Variants in PTPRD observed in about 807,000 individuals in gnomAD.
PTPRD encodes the protein receptor-type tyrosine-protein phosphatase delta.
Under a neutral mutation model 214.5 loss-of-function variants are expected in PTPRD, and 34 were observed. The ratio of observed to expected loss-of-function variants is 0.16; its 90% CI spans 0.12 to 0.21. The LOEUF (loss-of-function observed/expected upper bound fraction) is 0.21. PTPRD is among the 10% of genes least tolerant of loss of function. The probability of loss-of-function intolerance (pLI) is 1.00; values close to 1 mark genes in which losing one functional copy is unlikely to be tolerated. For missense variants in PTPRD, 2,545 were observed against 2,398.7 expected (o/e 1.06, Z -1.27); for synonymous variants, 1,128 against 845.7 (o/e 1.33, Z -5.79).
chr9:9,922,693 A>G (rs562484423), intron 5 of PTPRD, among the ~76,000 whole-genome samples: 1 of 152,148 alleles, frequency 6.6e-6, no homozygotes, highest in Non-Finnish European at 1.5e-5. Flanking sequence ...TTGGAAAAGT[A>G]TGAAAAATAA....
At chr9:10,343,464 A>T (rs2096985901) in intron 2 of PTPRD, among the ~76,000 whole-genome samples, 2 of 152,166 alleles carry the variant, frequency 1.3e-5, no homozygotes. Flanking sequence ...TTATAGTAGC[A>T]TGATTTATAA....
intron 9 of PTPRD, among the ~76,000 whole-genome samples, chr9:9,326,645 A>AT (rs879899952): frequency 0.021 from 3,149 of 149,824 alleles, 86 homozygotes; most frequent in African/African-American, 0.064. Context: ...AGCATTGAAG[A>AT]TTTTTTTTTT....
chr9:8,351,742 T>TAA (rs71317359), intron 39 of PTPRD, among the ~76,000 whole-genome samples: 995 of 68,486 alleles, frequency 0.015, 67 homozygotes, highest in African/African-American at 0.041. Context: ...TGGCAAAGAG[T>TAA]AAAAAAAAAA....
At chr9:8,318,181 T>C (rs920002459) in intron 45 of PTPRD, among the ~76,000 whole-genome samples, 1 of 151,976 alleles carries the variant, frequency 6.6e-6, no homozygotes, top group Non-Finnish European at 1.5e-5. Context: ...TTCCAAGCAG[T>C]GGCAGGTCGA....
chr9:8,508,126 A>G (rs2097578800), intron 21 of PTPRD, among the ~76,000 whole-genome samples: 1 of 152,228 alleles, frequency 6.6e-6, no homozygotes, highest in Non-Finnish European at 1.5e-5. Context: ...CTAAACTACT[A>G]CAAAAATTAA....
intron 6 of PTPRD, among the ~76,000 whole-genome samples, chr9:9,735,491 T>C (rs1201211205): frequency 6.6e-6 from 1 of 152,142 alleles, no homozygotes. Context: ...TAAGGTTTTA[T>C]ATGTGCATAT....
At chr9:9,266,051 CA>C (rs1939418399) in intron 9 of PTPRD, among the ~76,000 whole-genome samples, 1 of 151,094 alleles carries the variant, frequency 6.6e-6, no homozygotes, top group Non-Finnish European at 1.5e-5. Flanking sequence ...ATATTGTATG[CA>C]AATAAAATCC....
chr9:9,848,848 T>C (rs9408796), intron 5 of PTPRD, among the ~76,000 whole-genome samples: 124,552 of 151,906 alleles, frequency 0.82, 51,341 homozygotes, highest in East Asian at 0.94. Context: ...TGCCTAAGTA[T>C]TAAATGTAAA....
chr9:9,939,326 T>C (rs2090686890), intron 4 of PTPRD, among the ~76,000 whole-genome samples: 1 of 152,132 alleles, frequency 6.6e-6, no homozygotes, highest in Non-Finnish European at 1.5e-5. Flanking sequence ...TGCTCCAGTT[T>C]GGTAGACAAC....
intron 8 of PTPRD, among the ~76,000 whole-genome samples, chr9:9,489,454 T>C (rs2095806983): frequency 6.6e-6 from 1 of 152,220 alleles, no homozygotes; most frequent in Non-Finnish European, 1.5e-5. Context: ...ACACATCTAC[T>C]AAACAGACTT....
At chr9:10,428,786 A>G (rs1180453832) in intron 2 of PTPRD, among the ~76,000 whole-genome samples, 1 of 152,030 alleles carries the variant, frequency 6.6e-6, no homozygotes, top group Non-Finnish European at 1.5e-5. Context: ...TGTGAGGGGA[A>G]TATAGACAAA....
At chr9:10,108,074 T>TCC (rs1554651070) in intron 3 of PTPRD, among the ~76,000 whole-genome samples, 1 of 152,108 alleles carries the variant, frequency 6.6e-6, no homozygotes, top group Non-Finnish European at 1.5e-5. Context: ...GTTGTGGGAA[T>TCC]AAGTGACATC....
At chr9:9,197,481 G>T (rs2099939273) in intron 9 of PTPRD, among the ~76,000 whole-genome samples, 1 of 136,934 alleles carries the variant, frequency 7.3e-6, no homozygotes, top group Non-Finnish European at 1.5e-5. Flanking sequence ...CGCAATCTTT[G>T]CTCACTGCAA....
intron 14 of PTPRD, among the ~76,000 whole-genome samples, chr9:8,595,190 T>A (rs1394541620): frequency 6.7e-6 from 1 of 148,768 alleles, no homozygotes; most frequent in Non-Finnish European, 1.5e-5. Context: ...TTTTTTTTTA[T>A]GGCAAATTAA....
chr9:9,322,619 G>A (rs1182217774), intron 9 of PTPRD, among the ~76,000 whole-genome samples: 1 of 152,170 alleles, frequency 6.6e-6, no homozygotes, highest in Non-Finnish European at 1.5e-5. Flanking sequence ...TCAGGATCTC[G>A]GCCACATGAC....
chr9:9,080,654 C>G (rs541836354), intron 10 of PTPRD, among the ~76,000 whole-genome samples: 27 of 152,220 alleles, frequency 1.8e-4, no homozygotes, highest in African/African-American at 6.5e-4. Flanking sequence ...TCTTCTGGGT[C>G]TATCCCACTT....
intron 10 of PTPRD, among the ~76,000 whole-genome samples, chr9:9,130,390 A>G (rs930828710): frequency 6.6e-6 from 1 of 152,180 alleles, no homozygotes; most frequent in African/African-American, 2.4e-5. Flanking sequence ...CAAGTCACGT[A>G]AACAGAATCC....
chr9:8,690,131 T>TA lies in PTPRD; in HGVS notation c.64+43648dup, dbSNP rs933240707. Among the ~76,000 whole-genome samples, 40 of 150,816 alleles carry TA rather than the reference T, an allele frequency of 2.7e-4. No homozygotes were observed. The South Asian group carries it at 5.7e-3, about 21-fold the overall frequency. Reference sequence around the variant, plus strand: ...TTAAAAAAAAAAAAAAAAGAAAAATTAAAAAAATTCCTCTCCTAACAATTC... The same window carrying TA: ...TTAAAAAAAAAAAAAAAAGAAAAATTAAAAAAAATTCCTCTCCTAACAATTC... On this transcript the variant is annotated intron_variant, in intron 12 of 45. Transcript: ENST00000381196.
intron 10 of PTPRD, among the ~76,000 whole-genome samples, chr9:9,024,293 A>G (rs1163341622): frequency 6.6e-6 from 1 of 150,822 alleles, no homozygotes. Flanking sequence ...TTATGGATGA[A>G]ACATAATTTG....
Sources: gnomAD v4.1 joint callset for allele counts (sites outside exome capture counted in the v4.1 genomes callset) on GRCh38, gnomAD v4.1.1 for gene constraint, MANE v1.5 for transcripts, NCBI Gene and HGNC (gene_info 2026-07-23, HGNC 2026-07-21) for gene names.